The following CRTC3 variants were observed in gnomAD, a reference collection of about 807,000 sequenced individuals.
CRTC3 encodes CREB regulated transcription coactivator 3.
In CRTC3, 26 loss-of-function variants were observed where a neutral mutation model predicts 74.5. The observed-to-expected ratio is 0.35, with a 90% CI of 0.26 to 0.48. The LOEUF (loss-of-function observed/expected upper bound fraction) is 0.48, where lower values mean the gene tolerates loss of function less well. CRTC3 is among the 20% of genes least tolerant of loss of function. The pLI is 0.99. For synonymous variants in CRTC3, 377 were observed against 325.8 expected (o/e 1.16, Z -1.69); for missense variants, 760 against 787.3 (o/e 0.97, Z 0.41).
rs1327958197 is a variant in CRTC3 at position 90,606,110 on chromosome 15, GC to G, written c.477-1266del. Reference sequence around the variant, plus strand: ...GTCTCTACTAAAAATACAGAAATTAGCCAGGCATGGTAGCGGGTTCCTGTAA... The same window carrying G: ...GTCTCTACTAAAAATACAGAAATTAGCAGGCATGGTAGCGGGTTCCTGTAA... On this transcript the variant is annotated intron_variant, in intron 5 of 14. Transcript: ENST00000268184. Among the ~76,000 whole-genome samples the G allele has an allele frequency of 1.1e-4, 17 of 151,972 alleles. No individual in the cohort carries two copies. The South Asian group carries it at 2.5e-3, about 22-fold the overall frequency.
intron 13 of CRTC3, among the ~76,000 whole-genome samples, chr15:90,639,676 C>T (rs1011726717): frequency 6.6e-6 from 1 of 150,792 alleles, no homozygotes; most frequent in Non-Finnish European, 1.5e-5. Context: ...TCTTGAACTC[C>T]GGACCTCAAG....
intron 5 of CRTC3, among the ~76,000 whole-genome samples, chr15:90,605,132 G>C (rs535784159): frequency 6.6e-6 from 1 of 152,074 alleles, no homozygotes; most frequent in East Asian, 1.9e-4. Flanking sequence ...CGTGCCTGTG[G>C]TTCGAGCTAC....
At chr15:90,540,006 C>G (rs1567158522) in intron 1 of CRTC3, 33 bp from the exon 2 acceptor site, 3 of 1,387,590 alleles carry the variant, frequency 2.2e-6, no homozygotes, top group African/African-American at 1.4e-5. Flanking sequence ...TTTGCTGTTA[C>G]CTCTCAGCGT....
intron 2 of CRTC3, among the ~76,000 whole-genome samples, chr15:90,571,090 C>T (rs1967252629): frequency 2.6e-5 from 4 of 152,132 alleles, no homozygotes; most frequent in Admixed American, 6.6e-5. Context: ...TCCAATTTAA[C>T]AAATATTTAT....
At chr15:90,559,717 C>T (rs1429292545) in intron 2 of CRTC3, among the ~76,000 whole-genome samples, 11 of 152,154 alleles carry the variant, frequency 7.2e-5, no homozygotes, top group Admixed American at 2.6e-4. Context: ...CTCTGCTTCC[C>T]GGGCTCAAGT....
At chr15:90,535,779 G>A (rs747250007) in intron 1 of CRTC3, among the ~76,000 whole-genome samples, 6 of 152,196 alleles carry the variant, frequency 3.9e-5, no homozygotes, top group African/African-American at 1.2e-4. Flanking sequence ...GCGAGGCACT[G>A]TAATCCCTTT....
intron 4 of CRTC3, among the ~76,000 whole-genome samples, chr15:90,602,849 C>G (rs1968110303): frequency 6.6e-6 from 1 of 152,008 alleles, no homozygotes; most frequent in Admixed American, 6.6e-5. Context: ...CAGCACATGC[C>G]TGTAATCCCA....
At chr15:90,584,659 A>G (rs1967618690) in intron 2 of CRTC3, among the ~76,000 whole-genome samples, 1 of 152,208 alleles carries the variant, frequency 6.6e-6, no homozygotes, top group African/African-American at 2.4e-5. Flanking sequence ...AAAGAAGTAA[A>G]CTAAAGAAGA....
chr15:90,540,008 T>G, intron 1 of CRTC3, 31 bp from the exon 2 acceptor site: 1 of 1,421,560 alleles, frequency 7.0e-7, no homozygotes, highest in Non-Finnish European at 1.0e-6. Context: ...TGCTGTTACC[T>G]CTCAGCGTTC....
At chr15:90,605,155 G>C (rs1440573474) in intron 5 of CRTC3, among the ~76,000 whole-genome samples, 1 of 152,080 alleles carries the variant, frequency 6.6e-6, no homozygotes, top group African/African-American at 2.4e-5. Flanking sequence ...AGGAGGCTGA[G>C]GTGGGGAGGA....
rs1969287807 is a variant in CRTC3 at position 90,637,588 on chromosome 15, G to A, written c.1267-858G>A. Among the ~76,000 whole-genome samples, 3 of 152,126 alleles carry A rather than the reference G, an allele frequency of 2.0e-5. No homozygotes were observed. In the South Asian group the frequency reaches 6.2e-4, roughly 32 times the overall value. On this transcript the variant is annotated intron_variant, in intron 11 of 14. Transcript: ENST00000268184. ...GAAAAAGAAATTTCTTCTAAACCCT[G>A]TGTTTTCAGTAAAGTGCCTCACCTT...
At position 90,606,445 on chromosome 15, in the gene CRTC3, C is replaced by G. The variant is rs1381588844; in HGVS notation, c.477-933C>G. On this transcript the variant is annotated intron_variant, in intron 5 of 14. Coordinates refer to ENST00000268184, the MANE Select transcript of CRTC3 (RefSeq NM_022769.5). ...GGCATGGTGACGCACGTCTATAATC[C>G]CAGCTACACGGGAGGCTGAGGGAGA... is the stretch of plus-strand genomic sequence containing the variant. Among the ~76,000 whole-genome samples the G allele has an allele frequency of 2.6e-5, 4 of 151,956 alleles. No individual in the cohort carries two copies. In the South Asian group the frequency reaches 8.3e-4, roughly 32 times the overall value.
chr15:90,552,965 C>T (rs1342390066), intron 2 of CRTC3, among the ~76,000 whole-genome samples: 1 of 152,130 alleles, frequency 6.6e-6, no homozygotes, highest in Non-Finnish European at 1.5e-5. Context: ...ACTCTTGGTA[C>T]AGCATGCTCT....
intron 3 of CRTC3, chr15:90,600,502 T>C (rs1968040828): frequency 6.6e-6 from 1 of 152,240 alleles, no homozygotes; most frequent in South Asian, 2.1e-4. Context: ...AGAGGCAGCA[T>C]AGCTTAGCGG....
chr15:90,577,629 C>G (rs74563351), intron 2 of CRTC3, among the ~76,000 whole-genome samples: 4,864 of 152,234 alleles, frequency 0.032, 228 homozygotes, highest in African/African-American at 0.11. Flanking sequence ...ATCAACCTAA[C>G]TGTCCATCAA....
At chr15:90,544,077 C>T (rs1485390369) in intron 2 of CRTC3, among the ~76,000 whole-genome samples, 2 of 152,178 alleles carry the variant, frequency 1.3e-5, no homozygotes, top group African/African-American at 4.8e-5. Context: ...AATTTATTTT[C>T]TCATGTTCTC....
intron 2 of CRTC3, among the ~76,000 whole-genome samples, chr15:90,552,216 G>A (rs567131929): frequency 2.6e-5 from 4 of 152,310 alleles, no homozygotes; most frequent in Admixed American, 1.3e-4. Context: ...GTTAGTCCTC[G>A]TTTAACACCA....
intron 2 of CRTC3, 24 bp from the exon 3 acceptor site, chr15:90,593,612 A>G: frequency 1.9e-6 from 3 of 1,587,818 alleles, no homozygotes; most frequent in Non-Finnish European, 2.6e-6. Flanking sequence ...TTGGAGGCCA[A>G]CTCTTCTTCC....
At chr15:90,534,116 T>C (rs1021426029) in intron 1 of CRTC3, among the ~76,000 whole-genome samples, 1 of 151,990 alleles carries the variant, frequency 6.6e-6, no homozygotes, top group African/African-American at 2.4e-5. Context: ...AGGAGGAGGA[T>C]TTTAGTAGGA....
Sources: allele counts gnomAD v4.1 joint callset (sites outside exome capture counted in the v4.1 genomes callset), GRCh38; gene constraint gnomAD v4.1.1; transcripts MANE v1.5; gene names NCBI Gene and HGNC (gene_info 2026-07-23, HGNC 2026-07-21).